ADAMTS3: variants seen among roughly 807,000 people sequenced by gnomAD.
ADAMTS3 encodes ADAM metallopeptidase with thrombospondin type 1 motif 3.
In ADAMTS3, 73 loss-of-function variants were observed where a neutral mutation model predicts 129.0. The observed-to-expected ratio is 0.57, with a 90% CI of 0.47 to 0.69. The LOEUF (loss-of-function observed/expected upper bound fraction) is 0.69, where lower values mean the gene tolerates loss of function less well. Among genes scored for constraint, ADAMTS3 ranks in the 30% least tolerant of loss-of-function variants. ADAMTS3 has a pLI of 0.00. For synonymous variants in ADAMTS3, 477 were observed against 510.8 expected, an observed-to-expected ratio of 0.93 and a Z score of 0.89; for missense variants, 1,457 against 1,514.5, an observed-to-expected ratio of 0.96 and a Z score of 0.63.
chr4:72,567,405 G>A lies in ADAMTS3; in HGVS notation c.70-4C>T, dbSNP rs1042278648. ...GCACCATTTCTTCATTACCAGCCTGGAAAGGAGGGGGAAAGCAAGAAAAAG... is the reference window on the plus strand; with the variant it reads ...GCACCATTTCTTCATTACCAGCCTGAAAAGGAGGGGGAAAGCAAGAAAAAG... On this transcript the variant is annotated splice_region_variant and splice_polypyrimidine_tract_variant and intron_variant, in intron 1 of 21. Transcript: ENST00000286657. 6.2e-7 allele frequency: 1 copy of A among 1,613,140 alleles called. No homozygotes were observed. The highest frequency in any genetic ancestry group is 1.1e-5 in the South Asian group (1 of 91,040).
chr4:72,415,891 A>G (rs1330949323), intron 3 of ADAMTS3, among the ~76,000 whole-genome samples: 1 of 151,944 alleles, frequency 6.6e-6, no homozygotes, highest in Non-Finnish European at 1.5e-5. Context: ...ATATAAGCAC[A>G]TTTATTTGAA....
chr4:72,436,878 G>T (rs1168033944), intron 3 of ADAMTS3, among the ~76,000 whole-genome samples: 1 of 151,672 alleles, frequency 6.6e-6, no homozygotes, highest in East Asian at 2.0e-4. Context: ...AGTGGGGAGG[G>T]ATAACATTAG....
intron 3 of ADAMTS3, among the ~76,000 whole-genome samples, chr4:72,443,422 C>T (rs1718169946): frequency 6.6e-6 from 1 of 151,560 alleles, no homozygotes; most frequent in Admixed American, 6.6e-5. Context: ...TAAAGCTTAC[C>T]CTCTAGTGTT....
chr4:72,326,156 G>A (rs1354444261), intron 5 of ADAMTS3, among the ~76,000 whole-genome samples: 1 of 152,090 alleles, frequency 6.6e-6, no homozygotes, highest in Non-Finnish European at 1.5e-5. Context: ...CACATTTTGA[G>A]ATTCACAAAG....
chr4:72,532,800 G>A (rs575223071), intron 3 of ADAMTS3, among the ~76,000 whole-genome samples: 2 of 152,226 alleles, frequency 1.3e-5, no homozygotes, highest in East Asian at 1.9e-4. Context: ...AAGTATTTGT[G>A]TATCTAAACA....
intron 3 of ADAMTS3, among the ~76,000 whole-genome samples, chr4:72,470,683 T>C (rs144272195): frequency 2.6e-3 from 399 of 152,114 alleles, no homozygotes; most frequent in African/African-American, 6.8e-3. Context: ...TGTGTTGATA[T>C]TCGCACTGGT....
intron 3 of ADAMTS3, among the ~76,000 whole-genome samples, chr4:72,434,171 C>G (rs1053758548): frequency 1.3e-5 from 2 of 151,644 alleles, no homozygotes; most frequent in East Asian, 3.9e-4. Flanking sequence ...ATGGAGCTCC[C>G]CCCCACCAAG....
rs191080878 is a variant in ADAMTS3, at chr4:72,544,355, C to T, written c.504+4123G>A. On this transcript the variant is annotated intron_variant, in intron 3 of 21. Transcript: ENST00000286657. Reference sequence around the variant, plus strand: ...TAAATTGTATTTATGACCAATCTCTCTATATTTCTAATAGTGTTAAATCAT... The same window carrying T: ...TAAATTGTATTTATGACCAATCTCTTTATATTTCTAATAGTGTTAAATCAT... Among the ~76,000 whole-genome samples, 329 of 152,184 alleles carry T rather than the reference C, an allele frequency of 2.2e-3. 2 individuals are homozygous for T. The highest frequency in any genetic ancestry group is 7.8e-3 in the African/African-American group (323 of 41,528).
chr4:72,348,274 G>C (rs893903537), intron 4 of ADAMTS3, among the ~76,000 whole-genome samples: 1 of 152,028 alleles, frequency 6.6e-6, no homozygotes, highest in African/African-American at 2.4e-5. Context: ...AGAGGGACAA[G>C]GCGAGGGAGG....
intron 2 of ADAMTS3, among the ~76,000 whole-genome samples, chr4:72,559,759 A>G (rs114078133): frequency 0.016 from 2,372 of 151,984 alleles, 45 homozygotes; most frequent in South Asian, 0.037. Context: ...TATTTTCACA[A>G]GACTATGGCA....
intron 5 of ADAMTS3, among the ~76,000 whole-genome samples, chr4:72,324,631 C>A (rs1396488205): frequency 6.6e-6 from 1 of 152,070 alleles, no homozygotes; most frequent in Non-Finnish European, 1.5e-5. Context: ...CAATTTAATA[C>A]CTGTACGAGA....
At chr4:72,414,142 A>G (rs977352919) in intron 4 of ADAMTS3, among the ~76,000 whole-genome samples, 2 of 151,820 alleles carry the variant, frequency 1.3e-5, no homozygotes, top group Non-Finnish European at 1.5e-5. Context: ...AAAAAAATAG[A>G]TTCCTAAATT....
chr4:72,477,398 C>T (rs922586993), intron 3 of ADAMTS3, among the ~76,000 whole-genome samples: 4 of 152,004 alleles, frequency 2.6e-5, no homozygotes, highest in Admixed American at 6.6e-5. Flanking sequence ...CACTCAAAAG[C>T]GCTCAACTAC....
At chr4:72,422,792 A>C (rs1317090352) in intron 3 of ADAMTS3, among the ~76,000 whole-genome samples, 2 of 152,150 alleles carry the variant, frequency 1.3e-5, no homozygotes, top group Non-Finnish European at 2.9e-5. Context: ...TCAGAGCATA[A>C]ATGGCAAATG....
At chr4:72,346,721 C>T (rs932948833) in intron 4 of ADAMTS3, among the ~76,000 whole-genome samples, 1 of 152,100 alleles carries the variant, frequency 6.6e-6, no homozygotes, top group Admixed American at 6.6e-5. Context: ...AAAACCTACT[C>T]GTTGTTATAG....
At position 72,295,736 on chromosome 4, in the gene ADAMTS3, C is replaced by A. The variant is rs766568944; in HGVS notation, c.2641G>T (p.Val881Phe). 6.2e-7 allele frequency: 1 copy of A among 1,612,824 alleles called. No individual in the cohort carries two copies. The highest frequency in any genetic ancestry group is 8.5e-7 in the Non-Finnish European group (1 of 1,179,130). ...GCRRKSDNKM[V>F]HRSFCEANKK... Reference sequence around the variant, plus strand: ...TTGGCCTCACAGAAGCTGCGATGGACCATTTTATTATCACTTTTCCTACGG... The same window carrying A: ...TTGGCCTCACAGAAGCTGCGATGGAACATTTTATTATCACTTTTCCTACGG... Residue 881 changes from valine (V) to phenylalanine (F), a missense_variant, in exon 19 of 22, where the codon GTC (valine) becomes TTC (phenylalanine). Transcript: ENST00000286657.
Position 72,316,438 on chromosome 4 carries a change from C to A in ADAMTS3, c.1486-467G>T, listed in dbSNP as rs558146128. On this transcript the variant is annotated intron_variant, in intron 10 of 21. Transcript: ENST00000286657. ...CAGTGGCTCATGCCTGTAATCCCAG[C>A]ACTTTGGGAGGCTGAGATGGGTGGA... Among the ~76,000 whole-genome samples, 3 of 152,196 alleles carry A rather than the reference C, an allele frequency of 2.0e-5. No individual in the cohort carries two copies. In the South Asian group the frequency reaches 6.2e-4, roughly 32 times the overall value.
intron 4 of ADAMTS3, among the ~76,000 whole-genome samples, chr4:72,357,069 A>T (rs1317639409): frequency 6.6e-6 from 1 of 151,926 alleles, no homozygotes; most frequent in Non-Finnish European, 1.5e-5. Context: ...CAGAAAAAAA[A>T]TGAAAACCAG....
intron 5 of ADAMTS3, among the ~76,000 whole-genome samples, chr4:72,326,128 G>C (rs1019943704): frequency 6.6e-6 from 1 of 152,080 alleles, no homozygotes; most frequent in African/African-American, 2.4e-5. Flanking sequence ...ATCAGTTTAA[G>C]AATGTTCTGA....
Sources: gnomAD v4.1 joint callset for allele counts (sites outside exome capture counted in the v4.1 genomes callset) on GRCh38, gnomAD v4.1.1 for gene constraint, MANE v1.5 for transcripts, NCBI Gene and HGNC (gene_info 2026-07-23, HGNC 2026-07-21) for gene names.